KIF2C: variants seen among roughly 807,000 people sequenced by gnomAD.
The protein encoded by KIF2C is kinesin-like protein KIF2C.
In KIF2C, 34 loss-of-function variants were observed where a neutral mutation model predicts 97.4. The ratio of observed to expected loss-of-function variants is 0.35; its 90% CI spans 0.27 to 0.46. KIF2C has a LOEUF of 0.46. Ranked by LOEUF, KIF2C falls within the 20% of genes least tolerant of loss-of-function variation. KIF2C has a pLI of 1.00. For missense variants in KIF2C, 750 were observed against 907.6 expected (o/e 0.83, Z 2.23); for synonymous variants, 313 against 318.2 (o/e 0.98, Z 0.17).
At chr1:44,765,597 G>A (rs1193830971) in intron 19 of KIF2C, among the ~76,000 whole-genome samples, 3 of 152,192 alleles carry the variant, frequency 2.0e-5, no homozygotes, top group Non-Finnish European at 4.4e-5. Flanking sequence ...CACTTTGGGA[G>A]GCCAAGGCAG....
intron 2 of KIF2C, chr1:44,746,745 A>G (rs1649215678): frequency 1.9e-6 from 3 of 1,610,102 alleles, no homozygotes; most frequent in Admixed American, 3.4e-5. Flanking sequence ...TCAGAAACCC[A>G]TATCCATCTA....
rs1052130088 is a variant in KIF2C, at chr1:44,746,890, GTT to G, written c.166-492_166-491del. 5.2e-6 allele frequency: 5 copies of G among 961,530 alleles called. No homozygotes were observed. In the African/African-American group the frequency reaches 6.8e-5, roughly 13 times the overall value. 59.6% of individuals were successfully genotyped at this position (961,530 alleles called of 1,614,324 possible). A position where few individuals can be genotyped will look rare whatever the true frequency, so the allele number is the denominator to read the frequency against. ...TTAATTTTTTCTATGTTGTTTTTTT[GTT>G]TGTTTGTTTGTTTTTTGTTTTTTGA... On this transcript the variant is annotated intron_variant, in intron 2 of 20. Coordinates refer to ENST00000372224, the MANE Select transcript of KIF2C (RefSeq NM_006845.4).
intron 1 of KIF2C, 21 bp downstream of exon 1, chr1:44,740,023 G>A (rs777683725): frequency 1.2e-6 from 2 of 1,614,028 alleles, no homozygotes. Context: ...GGGTCCCTAG[G>A]TCAAGGGGAC....
Position 44,767,706 on chromosome 1 carries a change from G to GT in KIF2C, c.*530dup, listed in dbSNP as rs1179604645. 2.5e-5 allele frequency: 4 copies of GT among 159,222 alleles called. No homozygotes were observed. Among genetic ancestry groups the GT allele is most frequent in the Admixed American group, 2.3e-4 (4 of 17,066 alleles). The allele number at this position is 159,222 out of a possible 1,614,324, so 9.9% of individuals were successfully genotyped here. On this transcript the variant is annotated 3_prime_UTR_variant, in exon 21 of 21. Coordinates refer to ENST00000372224, the MANE Select transcript of KIF2C (RefSeq NM_006845.4). ...ATCCCTACTGTTTTCTGTTTTATGT[G>GT]TTTATACATTGTATGTAACAATAAA...
intron 5 of KIF2C, among the ~76,000 whole-genome samples, chr1:44,752,582 T>C (rs974722352): frequency 6.6e-6 from 1 of 152,264 alleles, no homozygotes. Context: ...ACAACCATTA[T>C]ACTTTACATA....
chr1:44,741,019 G>A lies in KIF2C; in HGVS notation c.165+12G>A. 6 of 1,589,380 alleles carry A rather than the reference G, an allele frequency of 3.8e-6. No homozygotes were observed. Among genetic ancestry groups the A allele is most frequent in the Non-Finnish European group, 5.2e-6 (6 of 1,157,894 alleles). On this transcript the variant is annotated intron_variant, in intron 2 of 20. Transcript: ENST00000372224. ...CAAAGGGCAAAGAGGTAGGTTCTAT[G>A]AGAATTCCTCTACCACATTTAATGT...
chr1:44,762,110 G>A, intron 17 of KIF2C, 127 bp downstream of exon 17: 2 of 950,500 alleles, frequency 2.1e-6, no homozygotes, highest in Non-Finnish European at 3.4e-6. Flanking sequence ...TGAACCTGAG[G>A]CTTGGGAGTT....
intron 8 of KIF2C, 138 bp from the exon 9 acceptor site, chr1:44,755,791 T>C: frequency 1.4e-6 from 1 of 704,830 alleles, no homozygotes; most frequent in Non-Finnish European, 2.5e-6. Context: ...TAATGGAGGA[T>C]GCAGGGGTCC....
chr1:44,767,418 T>G lies in KIF2C; in HGVS notation c.*239T>G. On this transcript the variant is annotated 3_prime_UTR_variant, in exon 21 of 21. Transcript: ENST00000372224. Reference sequence around the variant, plus strand: ...GAGAGGAAGGAGCTCTTAGTTACCCTTTTGTGTTGCCCTTCTTTCCATCAA... The same window carrying G: ...GAGAGGAAGGAGCTCTTAGTTACCCGTTTGTGTTGCCCTTCTTTCCATCAA... The G allele has an allele frequency of 2.3e-6, 1 of 435,268 alleles. No individual in the cohort carries two copies. The highest frequency in any genetic ancestry group is 2.2e-5 in the South Asian group (1 of 45,108). 27.0% of individuals were successfully genotyped at this position (435,268 alleles called of 1,614,324 possible).
At chr1:44,740,308 A>G (rs991944249) in intron 1 of KIF2C, among the ~76,000 whole-genome samples, 3 of 152,134 alleles carry the variant, frequency 2.0e-5, no homozygotes, top group Non-Finnish European at 4.4e-5. Flanking sequence ...TCCCCTGAAA[A>G]TGCCCTGCTC....
intron 17 of KIF2C, 98 bp downstream of exon 17, chr1:44,762,081 G>A: frequency 9.2e-7 from 1 of 1,092,820 alleles, no homozygotes; most frequent in Non-Finnish European, 1.4e-6. Context: ...AGGGCCTACT[G>A]TATACTCCTC....
Position 44,759,317 on chromosome 1 carries a change from A to T in KIF2C, c.1336A>T (p.Ile446Phe). The T allele has an allele frequency of 6.2e-7, 1 of 1,614,182 alleles. No individual in the cohort carries two copies. The highest frequency in any genetic ancestry group is 1.1e-5 in the South Asian group (1 of 91,090). Residue 446 changes from isoleucine to phenylalanine, a missense_variant, in exon 14 of 21, where the codon ATC becomes TTC. Transcript: ENST00000372224. ...TCTGGTTAACTCTGCTGATGATGTC[A>T]TCAAGATGATCGACATGGGCAGCGC... is the stretch of plus-strand genomic sequence containing the variant. ...EHLVNSADDVIKMIDMGSACR... is the reference protein window; with the variant it reads ...EHLVNSADDVFKMIDMGSACR...
intron 5 of KIF2C, 37 bp from the exon 6 acceptor site, chr1:44,753,095 C>G: frequency 6.3e-7 from 1 of 1,591,872 alleles, no homozygotes; most frequent in Non-Finnish European, 8.6e-7. Context: ...CTGTGGTATA[C>G]TTGCCTGCTT....
At chr1:44,748,226 AG>A (rs1173377841) in intron 4 of KIF2C, among the ~76,000 whole-genome samples, 2 of 152,166 alleles carry the variant, frequency 1.3e-5, no homozygotes, top group Admixed American at 6.5e-5. Context: ...CTGTGACTCT[AG>A]GGGGTAAGCT....
intron 2 of KIF2C, among the ~76,000 whole-genome samples, chr1:44,746,152 A>G (rs1207486990): frequency 6.6e-6 from 1 of 152,232 alleles, no homozygotes; most frequent in Non-Finnish European, 1.5e-5. Context: ...TGCTGGGGTT[A>G]CAGGCGTGAG....
chr1:44,752,699 G>T (rs1432758477), intron 5 of KIF2C, among the ~76,000 whole-genome samples: 1 of 152,158 alleles, frequency 6.6e-6, no homozygotes, highest in East Asian at 1.9e-4. Context: ...AATCAATCTG[G>T]TTAGTTATTG....
rs191044999 is a variant in KIF2C at position 44,755,894 on chromosome 1, T to G, written c.760-35T>G. 1,376 of 1,609,718 alleles carry G rather than the reference T, an allele frequency of 8.5e-4. 13 individuals carry two copies. The highest frequency in any genetic ancestry group is 1.4e-4 in the Non-Finnish European group (164 of 1,177,254). ...CTCGCTTTTGAAATTGCTCTGACCC[T>G]TTGCTGTTGGTTGCCTCCTCTCATC... On this transcript the variant is annotated intron_variant, in intron 8 of 20. Coordinates refer to ENST00000372224, the MANE Select transcript of KIF2C (RefSeq NM_006845.4).
In KIF2C at chr1:44,741,996, CAAAAAA is replaced by C. The variant is rs397980058; in HGVS notation, c.165+1007_165+1012del. Among the ~76,000 whole-genome samples, 35 of 67,742 alleles carry C rather than the reference CAAAAAA, an allele frequency of 5.2e-4. 1 individual carries two copies. Among genetic ancestry groups the C allele is most frequent in the African/African-American group, 1.2e-3 (18 of 15,526 alleles). The allele number at this position is 67,742 out of a possible 152,430, so 44.4% of individuals were successfully genotyped here. On this transcript the variant is annotated intron_variant, in intron 2 of 20. Transcript: ENST00000372224. ...TGGGCAACAGAATGAGGACTTGTCT[CAAAAAA>C]AAAAAAAAAAAAAAAAAGAATGGTC...
chr1:44,757,742 G>C (rs760046088), intron 11 of KIF2C, 96 bp downstream of exon 11: 26 of 1,102,526 alleles, frequency 2.4e-5, no homozygotes, highest in Non-Finnish European at 3.3e-5. Context: ...AAGGCCCCTT[G>C]TTACAGATGC....
Sources: gnomAD v4.1 joint callset for allele counts (sites outside exome capture counted in the v4.1 genomes callset) on GRCh38, gnomAD v4.1.1 for gene constraint, MANE v1.5 for transcripts, NCBI Gene and HGNC (gene_info 2026-07-23, HGNC 2026-07-21) for gene names.